The following JARID2 variants were observed in gnomAD, a reference collection of about 807,000 sequenced individuals.
JARID2 encodes the protein jumonji and AT-rich interaction domain containing 2.
In JARID2, 21 loss-of-function variants were observed where a neutral mutation model predicts 125.6. The observed-to-expected ratio is 0.17, with a 90% CI of 0.12 to 0.24. The LOEUF is 0.24. Among genes scored for constraint, JARID2 ranks in the 10% least tolerant of loss-of-function variants. The probability of loss-of-function intolerance (pLI) is 1.00; values close to 1 mark genes in which losing one functional copy is unlikely to be tolerated. For missense variants in JARID2, 1,303 were observed against 1,639.6 expected, an observed-to-expected ratio of 0.79 and a Z score of 3.55; for synonymous variants, 736 against 661.6, an observed-to-expected ratio of 1.11 and a Z score of -1.73.
intron 1 of JARID2, among the ~76,000 whole-genome samples, chr6:15,316,400 C>T (rs1224473062): frequency 6.6e-6 from 1 of 152,166 alleles, no homozygotes; most frequent in African/African-American, 2.4e-5. Flanking sequence ...GTCTCAGATT[C>T]AGTTGCTACC....
intron 2 of JARID2, among the ~76,000 whole-genome samples, chr6:15,397,995 C>T (rs1048818582): frequency 1.8e-4 from 27 of 151,968 alleles, no homozygotes; most frequent in Admixed American, 9.2e-4. Flanking sequence ...GATAGGCAAG[C>T]GATATAATAA....
intron 15 of JARID2, 57 bp from the exon 16 acceptor site, chr6:15,513,172 TGTCCCCTCTG>T: frequency 6.4e-7 from 1 of 1,564,854 alleles, no homozygotes; most frequent in South Asian, 1.2e-5. Context: ...GGGGTGCGTG[TGTCCCCTCTG>T]CTGGTGAGCA....
At chr6:15,366,733 G>A (rs948615739) in intron 1 of JARID2, among the ~76,000 whole-genome samples, 13 of 152,176 alleles carry the variant, frequency 8.5e-5, no homozygotes, top group African/African-American at 2.9e-4. Context: ...GATGTCCTGT[G>A]CCCCTGCCCA....
intron 4 of JARID2, among the ~76,000 whole-genome samples, chr6:15,463,986 A>G (rs1043323809): frequency 1.3e-5 from 2 of 152,232 alleles, no homozygotes; most frequent in African/African-American, 4.8e-5. Flanking sequence ...GTAGGTAAAG[A>G]GGAAATAAAT....
At chr6:15,403,693 A>C (rs561280277) in intron 2 of JARID2, among the ~76,000 whole-genome samples, 71 of 152,282 alleles carry the variant, frequency 4.7e-4, no homozygotes, top group African/African-American at 1.4e-3. Context: ...TTCTCAAAAA[A>C]TTGTGCATGC....
intron 1 of JARID2, among the ~76,000 whole-genome samples, chr6:15,280,099 T>C (rs143219482): frequency 6.6e-6 from 1 of 152,166 alleles, no homozygotes; most frequent in Non-Finnish European, 1.5e-5. Context: ...CTTTCTTCTG[T>C]CAAATCCGTG....
intron 11 of JARID2, among the ~76,000 whole-genome samples, chr6:15,507,624 C>T (rs936744853): frequency 2.0e-5 from 3 of 152,152 alleles, no homozygotes; most frequent in Non-Finnish European, 2.9e-5. Flanking sequence ...AAAGGTGAAC[C>T]GCATGGCAGA....
At chr6:15,494,413 C>CTTTTTTTTTTT (rs60218567) in intron 6 of JARID2, among the ~76,000 whole-genome samples, 2,465 of 80,518 alleles carry the variant, frequency 0.031, 444 homozygotes, top group Non-Finnish European at 0.037. Flanking sequence ...TTTGGCAAGT[C>CTTTTTTTTTTT]TTTTTTTTTT....
chr6:15,385,192 T>C (rs1764738031), intron 2 of JARID2, among the ~76,000 whole-genome samples: 1 of 152,244 alleles, frequency 6.6e-6, no homozygotes, highest in African/African-American at 2.4e-5. Flanking sequence ...CCTGGTATTT[T>C]AAATACACAA....
intron 1 of JARID2, among the ~76,000 whole-genome samples, chr6:15,321,353 T>G (rs1047003990): frequency 6.6e-6 from 1 of 152,264 alleles, no homozygotes; most frequent in Non-Finnish European, 1.5e-5. Context: ...TATGAACTAA[T>G]GAACTCACAT....
intron 3 of JARID2, among the ~76,000 whole-genome samples, chr6:15,429,423 G>T (rs1388985498): frequency 2.6e-5 from 4 of 151,980 alleles, no homozygotes; most frequent in Non-Finnish European, 5.9e-5. Flanking sequence ...ATGCCACCAT[G>T]CCTGGCATAC....
At chr6:15,248,588 A>T (rs1471572410) in intron 1 of JARID2, 1 of 151,296 alleles carries the variant, frequency 6.6e-6, no homozygotes, top group East Asian at 1.9e-4. Context: ...CGCAGTCTCG[A>T]GAGCAACAGG....
chr6:15,295,123 C>CTTTTT (rs60419870), intron 1 of JARID2, among the ~76,000 whole-genome samples: 1 of 129,456 alleles, frequency 7.7e-6, no homozygotes, highest in Non-Finnish European at 1.6e-5. Context: ...TTTTTTCTTT[C>CTTTTT]TTTTTTTTTT....
At chr6:15,297,596 C>T (rs968396843) in intron 1 of JARID2, among the ~76,000 whole-genome samples, 4 of 151,968 alleles carry the variant, frequency 2.6e-5, no homozygotes, top group African/African-American at 9.7e-5. Flanking sequence ...CTGCCTCAGC[C>T]TCCCAAAGCA....
intron 4 of JARID2, among the ~76,000 whole-genome samples, chr6:15,458,640 T>C (rs1289093487): frequency 2.0e-5 from 3 of 151,996 alleles, no homozygotes; most frequent in African/African-American, 7.3e-5. Context: ...GTGGGTGAAA[T>C]TGAGGATATA....
chr6:15,287,008 C>A (rs1008708569), intron 1 of JARID2, among the ~76,000 whole-genome samples: 1 of 151,734 alleles, frequency 6.6e-6, no homozygotes, highest in Non-Finnish European at 1.5e-5. Flanking sequence ...CCAGCTACTC[C>A]GGAGGCTGAG....
chr6:15,390,497 G>T (rs1764958476), intron 2 of JARID2, among the ~76,000 whole-genome samples: 1 of 152,196 alleles, frequency 6.6e-6, no homozygotes, highest in Non-Finnish European at 1.5e-5. Flanking sequence ...AATAGGTTAA[G>T]ATTGCCATCA....
At chr6:15,432,145 C>T (rs1422187795) in intron 3 of JARID2, among the ~76,000 whole-genome samples, 1 of 151,852 alleles carries the variant, frequency 6.6e-6, no homozygotes, top group South Asian at 2.1e-4. Context: ...GTACACTCTA[C>T]AGGCCGGGTG....
At chr6:15,497,333 C>T (rs1267383134) in intron 7 of JARID2, among the ~76,000 whole-genome samples, 163 bp downstream of exon 7, 1 of 152,216 alleles carries the variant, frequency 6.6e-6, no homozygotes, top group Non-Finnish European at 1.5e-5. Context: ...TGCAGCCCTT[C>T]TTCCCAGGTC....
Sources: allele counts gnomAD v4.1 joint callset (sites outside exome capture counted in the v4.1 genomes callset), GRCh38; gene constraint gnomAD v4.1.1; transcripts MANE v1.5; gene names NCBI Gene and HGNC (gene_info 2026-07-23, HGNC 2026-07-21).